The following NECTIN3 variants were observed in gnomAD, a reference collection of about 807,000 sequenced individuals.
NECTIN3 encodes the protein nectin cell adhesion molecule 3.
In NECTIN3, 8 loss-of-function variants were observed where a neutral mutation model predicts 49.4. That is an observed-to-expected ratio of 0.16 (90% CI 0.10 to 0.29). The LOEUF is 0.29. Ranked by LOEUF, NECTIN3 falls within the 10% of genes least tolerant of loss-of-function variation. The pLI is 1.00. For synonymous variants in NECTIN3, 277 were observed against 241.1 expected (o/e 1.15, Z -1.38); for missense variants, 581 against 654.6 (o/e 0.89, Z 1.23).
At chr3:111,085,581 T>A (rs568444587) in intron 1 of NECTIN3, among the ~76,000 whole-genome samples, 1 of 152,218 alleles carries the variant, frequency 6.6e-6, no homozygotes, top group Non-Finnish European at 1.5e-5. Context: ...TCACAAATCC[T>A]TTTCTCTTAA....
chr3:111,136,446 T>C lies in NECTIN3; in HGVS notation c.*2231T>C. ...GACATATTCTGTATCCTTAATCCAA[T>C]CATTTGGCAAACTAAAAGGTTTCTG... On this transcript the variant is annotated 3_prime_UTR_variant, in exon 6 of 6. Transcript: ENST00000485303. 2.0e-6 allele frequency: 2 copies of C among 984,270 alleles called. No homozygotes were observed. Among genetic ancestry groups the C allele is most frequent in the Non-Finnish European group, 2.4e-6 (2 of 829,068 alleles). 61.0% of individuals were successfully genotyped at this position (984,270 alleles called of 1,614,324 possible). A position where few individuals can be genotyped will look rare whatever the true frequency, so the allele number is the denominator to read the frequency against.
chr3:111,132,405 C>G (rs528412568), intron 5 of NECTIN3, among the ~76,000 whole-genome samples: 1 of 151,804 alleles, frequency 6.6e-6, no homozygotes, highest in Non-Finnish European at 1.5e-5. Flanking sequence ...GAATAACTTA[C>G]CCCATGTAGA....
At chr3:111,146,464 A>G (rs1443444116) in intron 6 of NECTIN3, among the ~76,000 whole-genome samples, 1 of 151,674 alleles carries the variant, frequency 6.6e-6, no homozygotes. Context: ...AGTGACTAGC[A>G]TGTGGTTAAC....
At chr3:111,188,188 A>G (rs2035755047), upstream of NECTIN3, among the ~76,000 whole-genome samples, 1 of 152,246 alleles carries the variant, frequency 6.6e-6, no homozygotes, top group Non-Finnish European at 1.5e-5. Context: ...CTCATCTGCC[A>G]TTAGATTTAA....
intron 1 of NECTIN3, among the ~76,000 whole-genome samples, chr3:111,106,774 A>G (rs1355875534): frequency 6.6e-6 from 1 of 152,208 alleles, no homozygotes; most frequent in Non-Finnish European, 1.5e-5. Flanking sequence ...GAAAGGATTC[A>G]TATCTTAGAG....
intron 1 of NECTIN3, among the ~76,000 whole-genome samples, chr3:111,104,186 A>T (rs2033060001): frequency 6.6e-6 from 1 of 151,940 alleles, no homozygotes. Flanking sequence ...TTGTCAGCCC[A>T]TTTGATTTTG....
intron 2 of NECTIN3, among the ~76,000 whole-genome samples, chr3:111,116,498 A>C (rs1408576689): frequency 6.6e-6 from 1 of 152,128 alleles, no homozygotes; most frequent in Non-Finnish European, 1.5e-5. Context: ...TACAAAGTTA[A>C]AGAGACTAGA....
chr3:111,096,665 C>T (rs978027185), intron 1 of NECTIN3, among the ~76,000 whole-genome samples: 13 of 152,098 alleles, frequency 8.5e-5, no homozygotes, highest in East Asian at 5.8e-4. Context: ...GCGTCCCAGC[C>T]GCTCCAGCCG....
chr3:111,183,248 C>T (rs942403564), intron 7 of NECTIN3, among the ~76,000 whole-genome samples: 7 of 151,752 alleles, frequency 4.6e-5, no homozygotes, highest in Non-Finnish European at 7.4e-5. Context: ...AACCTGAATA[C>T]CTTTTCCATA....
At chr3:111,116,042 CT>C (rs939022939) in intron 2 of NECTIN3, among the ~76,000 whole-genome samples, 12 of 152,066 alleles carry the variant, frequency 7.9e-5, no homozygotes, top group South Asian at 2.1e-4. Flanking sequence ...TAGTTAGAAG[CT>C]GAAGCATCAA....
intron 1 of NECTIN3, among the ~76,000 whole-genome samples, chr3:111,110,899 T>C (rs1289617970): frequency 1.3e-5 from 2 of 152,088 alleles, no homozygotes; most frequent in African/African-American, 2.4e-5. Context: ...GGAAATAATA[T>C]TGCATAAAGT....
intron 7 of NECTIN3, among the ~76,000 whole-genome samples, chr3:111,158,791 T>C (rs2035150324): frequency 6.6e-6 from 1 of 152,074 alleles, no homozygotes; most frequent in Non-Finnish European, 1.5e-5. Flanking sequence ...AAGACACCAT[T>C]AAGAAAGCAA....
intron 7 of NECTIN3, among the ~76,000 whole-genome samples, chr3:111,161,635 A>C (rs1283856660): frequency 1.3e-5 from 2 of 152,180 alleles, no homozygotes; most frequent in Non-Finnish European, 2.9e-5. Flanking sequence ...TGAACTGCGC[A>C]TGCAAGGGAT....
intron 1 of NECTIN3, chr3:111,072,639 C>T: frequency 6.9e-7 from 1 of 1,449,562 alleles, no homozygotes. Context: ...CATGGCCTTC[C>T]ACCCTGGAGA....
At chr3:111,117,890 C>T (rs1241055907) in intron 2 of NECTIN3, among the ~76,000 whole-genome samples, 1 of 152,004 alleles carries the variant, frequency 6.6e-6, no homozygotes, top group Non-Finnish European at 1.5e-5. Flanking sequence ...CTTTACCCTG[C>T]TGAGGAACTT....
At chr3:111,168,463 C>CAT (rs5851756) in intron 7 of NECTIN3, among the ~76,000 whole-genome samples, 11 of 151,554 alleles carry the variant, frequency 7.3e-5, no homozygotes, top group South Asian at 2.1e-4. Flanking sequence ...TATGTGTGTG[C>CAT]ATATATATAT....
chr3:111,123,116 T>C (rs2034022977), intron 4 of NECTIN3, among the ~76,000 whole-genome samples: 1 of 152,084 alleles, frequency 6.6e-6, no homozygotes, highest in Non-Finnish European at 1.5e-5. Flanking sequence ...AGACGGAGCA[T>C]CTTCTCATTG....
intron 5 of NECTIN3, among the ~76,000 whole-genome samples, chr3:111,127,384 A>G (rs1284424630): frequency 6.6e-6 from 1 of 151,568 alleles, no homozygotes; most frequent in Non-Finnish European, 1.5e-5. Context: ...TTCACAATTC[A>G]GCAATTTGTG....
chr3:111,118,462 G>T (rs1203584167), intron 2 of NECTIN3, among the ~76,000 whole-genome samples, 194 bp from the exon 3 acceptor site: 3 of 151,068 alleles, frequency 2.0e-5, no homozygotes, highest in African/African-American at 7.3e-5. Flanking sequence ...ATGAATTCCT[G>T]GTCTCATTTG....
Sources: gnomAD v4.1 joint callset for allele counts (sites outside exome capture counted in the v4.1 genomes callset) on GRCh38, gnomAD v4.1.1 for gene constraint, MANE v1.5 for transcripts, NCBI Gene and HGNC (gene_info 2026-07-23, HGNC 2026-07-21) for gene names.